SGCD: variants seen among roughly 807,000 people sequenced by gnomAD.
SGCD encodes delta-sarcoglycan.
SGCD carries 18 observed loss-of-function variants against 36.6 expected under a neutral mutation model. The observed-to-expected ratio is 0.49, with a 90% CI of 0.34 to 0.73. The LOEUF is 0.73. Ranked by LOEUF, SGCD falls within the 30% of genes least tolerant of loss-of-function variation. The probability of loss-of-function intolerance (pLI) is 0.01; values close to 1 mark genes in which losing one functional copy is unlikely to be tolerated. For missense variants in SGCD, 387 were observed against 346.7 expected (o/e 1.12, Z -0.92); for synonymous variants, 133 against 130.6 (o/e 1.02, Z -0.12).
intron 4 of SGCD, among the ~76,000 whole-genome samples, chr5:156,515,944 C>T (rs1561748576): frequency 6.6e-6 from 1 of 152,252 alleles, no homozygotes; most frequent in Non-Finnish European, 1.5e-5. Flanking sequence ...TGGGCTCCAT[C>T]CCTCCTCACC....
chr5:155,972,785 A>G (rs896902436), intron 1 of SGCD, among the ~76,000 whole-genome samples: 3 of 152,154 alleles, frequency 2.0e-5, no homozygotes, highest in Admixed American at 6.6e-5. Flanking sequence ...CAATTTTTAT[A>G]TATTTATTTT....
At chr5:156,132,020 C>T (rs1581118822) in intron 3 of SGCD, among the ~76,000 whole-genome samples, 1 of 152,160 alleles carries the variant, frequency 6.6e-6, no homozygotes, top group East Asian at 1.9e-4. Flanking sequence ...GCTAACAGTG[C>T]TTTTCCTATA....
chr5:156,533,306 A>G (rs1223786375), intron 4 of SGCD, among the ~76,000 whole-genome samples: 3 of 152,050 alleles, frequency 2.0e-5, no homozygotes, highest in Non-Finnish European at 4.4e-5. Context: ...CTATCCTGTT[A>G]CTTCTCTCTG....
At chr5:156,496,304 C>A (rs1756184400) in intron 3 of SGCD, among the ~76,000 whole-genome samples, 2 of 152,212 alleles carry the variant, frequency 1.3e-5, no homozygotes, top group South Asian at 2.1e-4. Flanking sequence ...TCCTGTAATT[C>A]CATGGAATGT....
chr5:156,175,416 A>C (rs1018920332), intron 3 of SGCD, among the ~76,000 whole-genome samples: 1 of 152,236 alleles, frequency 6.6e-6, no homozygotes, highest in East Asian at 1.9e-4. Flanking sequence ...CTTAGAAAAA[A>C]AAAATATTCG....
At chr5:156,134,898 T>G (rs1279382558) in intron 3 of SGCD, among the ~76,000 whole-genome samples, 1 of 152,204 alleles carries the variant, frequency 6.6e-6, no homozygotes, top group Non-Finnish European at 1.5e-5. Context: ...TGGACTCCCT[T>G]GAGCTGGAAG....
At chr5:156,145,988 C>T (rs139950793) in intron 3 of SGCD, among the ~76,000 whole-genome samples, 94 of 152,152 alleles carry the variant, frequency 6.2e-4, no homozygotes, top group Middle Eastern at 6.8e-3. Context: ...CCAAGGTGGG[C>T]GGATCACGAG....
the SGCD span, among the ~76,000 whole-genome samples, chr5:155,735,930 A>G: frequency 6.6e-6 from 1 of 152,116 alleles, no homozygotes; most frequent in Admixed American, 6.5e-5. Flanking sequence ...ATGGATGTTC[A>G]TTGCCAATCC....
intron 3 of SGCD, among the ~76,000 whole-genome samples, chr5:156,347,958 A>G (rs1769033785): frequency 6.6e-6 from 1 of 152,232 alleles, no homozygotes; most frequent in Non-Finnish European, 1.5e-5. Flanking sequence ...TGCTGTTATT[A>G]GGCATAATTG....
chr5:155,749,679 T>C, the SGCD span, among the ~76,000 whole-genome samples: 1 of 152,216 alleles, frequency 6.6e-6, no homozygotes, highest in African/African-American at 2.4e-5. Flanking sequence ...CTGCAAGAGA[T>C]TCCTTCATTC....
chr5:155,864,483 G>A, the SGCD span, among the ~76,000 whole-genome samples: 3 of 151,992 alleles, frequency 2.0e-5, no homozygotes, highest in Admixed American at 2.0e-4. Flanking sequence ...GATGGTATTG[G>A]CCTGGATTAA....
At chr5:156,558,706 C>T (rs1759148315) in intron 4 of SGCD, among the ~76,000 whole-genome samples, 1 of 151,984 alleles carries the variant, frequency 6.6e-6, no homozygotes, top group Non-Finnish European at 1.5e-5. Flanking sequence ...AATTACTGAC[C>T]TTTAATTTTT....
chr5:156,546,448 C>T (rs1029736918), intron 4 of SGCD, among the ~76,000 whole-genome samples: 2 of 152,070 alleles, frequency 1.3e-5, no homozygotes, highest in South Asian at 4.2e-4. Context: ...ATTTTGAACA[C>T]CAATGAACTA....
intron 4 of SGCD, among the ~76,000 whole-genome samples, chr5:156,579,492 G>A (rs914489480): frequency 6.6e-5 from 10 of 152,126 alleles, no homozygotes; most frequent in Admixed American, 2.6e-4. Flanking sequence ...TCGTTGATCT[G>A]TCTAATATTG....
chr5:156,509,339 T>A (rs1368146537), intron 4 of SGCD, among the ~76,000 whole-genome samples: 1 of 152,106 alleles, frequency 6.6e-6, no homozygotes, highest in African/African-American at 2.4e-5. Context: ...GCAGGAGAAT[T>A]GCTTGAACCC....
At chr5:155,851,864 G>T in the SGCD span, among the ~76,000 whole-genome samples, 1 of 152,096 alleles carries the variant, frequency 6.6e-6, no homozygotes, top group East Asian at 1.9e-4. Flanking sequence ...AGAGTTCCTG[G>T]GTTTGAACCC....
At chr5:156,651,290 A>G (rs1036304853) in intron 7 of SGCD, among the ~76,000 whole-genome samples, 1 of 151,642 alleles carries the variant, frequency 6.6e-6, no homozygotes, top group Non-Finnish European at 1.5e-5. Context: ...GCTGTGCAGA[A>G]CCTCTTTAGT....
At chr5:156,740,052 T>TGAGTCACAAGTGTTGCAC (rs1756589986) in intron 7 of SGCD, among the ~76,000 whole-genome samples, 1 of 152,036 alleles carries the variant, frequency 6.6e-6, no homozygotes, top group Non-Finnish European at 1.5e-5. Flanking sequence ...AACTCAAAAA[T>TGAGTCACAAGTGTTGCAC]AGAAGATGAG....
rs549518513 is a variant in SGCD, at chr5:156,102,810, T to C, written c.-281-15068T>C. Reference sequence around the variant, plus strand: ...TTTGAAATTCAATGAAAACCTATGATTGGGTGTGTGCGTATATACTTATAT... The same window carrying C: ...TTTGAAATTCAATGAAAACCTATGACTGGGTGTGTGCGTATATACTTATAT... On this transcript the variant is annotated intron_variant, in intron 1 of 9. Transcript: ENST00000517913. 2.6e-5 allele frequency among the ~76,000 whole-genome samples: 4 copies of C among 152,244 alleles called. No individual in the cohort carries two copies. In the South Asian group the frequency reaches 8.4e-4, roughly 32 times the overall value.
Sources: allele counts gnomAD v4.1 joint callset (sites outside exome capture counted in the v4.1 genomes callset), GRCh38; gene constraint gnomAD v4.1.1; transcripts MANE v1.5; gene names NCBI Gene and HGNC (gene_info 2026-07-23, HGNC 2026-07-21).